Variants in ATP2B2 observed in about 807,000 individuals in gnomAD.
ATP2B2 encodes the protein plasma membrane calcium-transporting ATPase 2.
ATP2B2 carries 15 observed loss-of-function variants against 120.0 expected under a neutral mutation model. That is an observed-to-expected ratio of 0.12 (90% confidence interval 0.08 to 0.19). The LOEUF (loss-of-function observed/expected upper bound fraction) is 0.19, where lower values mean the gene tolerates loss of function less well. Among genes scored for constraint, ATP2B2 ranks in the 10% least tolerant of loss-of-function variants. ATP2B2 has a pLI of 1.00. For missense variants in ATP2B2, 1,045 were observed against 1,719.8 expected, an observed-to-expected ratio of 0.61 and a Z score of 6.94; for synonymous variants, 694 against 700.3, an observed-to-expected ratio of 0.99 and a Z score of 0.14.
chr3:10,427,900 A>T (rs1317753241), intron 2 of ATP2B2, among the ~76,000 whole-genome samples: 1 of 152,054 alleles, frequency 6.6e-6, no homozygotes, highest in Non-Finnish European at 1.5e-5. Context: ...CCTTCCTGTA[A>T]CCCCTTTCTG....
chr3:10,517,932 G>T (rs1209936453), intron 3 of ATP2B2, among the ~76,000 whole-genome samples: 1 of 151,968 alleles, frequency 6.6e-6, no homozygotes, highest in Non-Finnish European at 1.5e-5. Flanking sequence ...GGAAATGGCA[G>T]TAGACAGACG....
chr3:10,340,270 A>G lies in ATP2B2; in HGVS notation c.3209T>C (p.Ile1070Thr), dbSNP rs1348501104. ...QLDQWMWCIFIGLGELVWGQV... is the reference protein window; with the variant it reads ...QLDQWMWCIFTGLGELVWGQV... ...GCCCCAAACGAGCTCTCCTAACCCA[A>G]TGAATATGCACCACATCCACTGGTC... The change falls in exon 21 of 23, where the codon ATT (isoleucine) becomes ACT (threonine). Residue 1070 changes from isoleucine (I) to threonine (T), a missense_variant. This residue lies in a region of ATP2B2 where 211 missense variants were observed against 385.1 expected (regional missense o/e 0.55). Coordinates refer to ENST00000360273, the MANE Select transcript of ATP2B2 (RefSeq NM_001001331.4). The surrounding 1 kb of genome is among the most constrained non-coding windows in gnomAD (Gnocchi z 5.0). 6.8e-6 allele frequency: 11 copies of G among 1,614,080 alleles called. No homozygotes were observed. Among genetic ancestry groups the G allele is most frequent in the African/African-American group, 1.3e-5 (1 of 74,942 alleles).
intron 3 of ATP2B2, among the ~76,000 whole-genome samples, chr3:10,407,210 C>G (rs539747008): frequency 6.6e-6 from 1 of 152,322 alleles, no homozygotes; most frequent in Admixed American, 6.5e-5. Flanking sequence ...TGCTGTGTAC[C>G]TGGCTAGCAT....
intron 1 of ATP2B2, among the ~76,000 whole-genome samples, chr3:10,682,373 G>T (rs1174363075): frequency 1.3e-5 from 2 of 152,196 alleles, no homozygotes; most frequent in Non-Finnish European, 2.9e-5. Flanking sequence ...CTCAGATATT[G>T]GCTGAGACTA....
At chr3:10,381,417 A>G (rs2061527285) in intron 8 of ATP2B2, among the ~76,000 whole-genome samples, 1 of 152,220 alleles carries the variant, frequency 6.6e-6, no homozygotes, top group Non-Finnish European at 1.5e-5. Context: ...AGGGGCCTTT[A>G]TTTGCATTGC....
At position 10,498,447 on chromosome 3, in the gene ATP2B2, C is replaced by T. The variant is rs1231110363; in HGVS notation, c.-320+7018G>A. Among the ~76,000 whole-genome samples the T allele has an allele frequency of 2.6e-5, 4 of 152,358 alleles. 1 individual carries two copies. Among genetic ancestry groups the T allele is most frequent in the Middle Eastern group, 6.8e-3 (2 of 294 alleles). ...GGATGAGCCTGGGGGCCTCACTCAGCGTGGATGCCTCAGGCATGCAGGAGG... is the reference window on the plus strand; with the variant it reads ...GGATGAGCCTGGGGGCCTCACTCAGTGTGGATGCCTCAGGCATGCAGGAGG... On this transcript the variant is annotated intron_variant, in intron 1 of 22. Coordinates refer to ENST00000360273, the MANE Select transcript of ATP2B2 (RefSeq NM_001001331.4).
chr3:10,406,181 T>G (rs998888820), intron 3 of ATP2B2, among the ~76,000 whole-genome samples: 2 of 152,224 alleles, frequency 1.3e-5, no homozygotes, highest in Admixed American at 6.5e-5. Context: ...AGTTTGGGGA[T>G]GCTTTTATAC....
intron 2 of ATP2B2, among the ~76,000 whole-genome samples, chr3:10,602,544 G>C (rs778715331): frequency 6.6e-6 from 1 of 152,174 alleles, no homozygotes; most frequent in African/African-American, 2.4e-5. Context: ...CTCAGGCAGC[G>C]GCAGCGAGGT....
intron 12 of ATP2B2, among the ~76,000 whole-genome samples, chr3:10,363,234 C>G (rs778142924): frequency 6.6e-6 from 1 of 152,244 alleles, no homozygotes; most frequent in Non-Finnish European, 1.5e-5. Context: ...CAGGGACCCT[C>G]CCCTTTTCTC....
chr3:10,548,890 C>T (rs1156623615), intron 2 of ATP2B2, among the ~76,000 whole-genome samples: 1 of 152,134 alleles, frequency 6.6e-6, no homozygotes, highest in Admixed American at 6.5e-5. Context: ...GCTTGTTTAG[C>T]CTCAGAGGTT....
intron 1 of ATP2B2, among the ~76,000 whole-genome samples, chr3:10,624,561 CA>C (rs1268241131): frequency 6.6e-6 from 1 of 152,156 alleles, no homozygotes; most frequent in African/African-American, 2.4e-5. Flanking sequence ...TTTTTGAACA[CA>C]GGGGTGAGGT....
Position 10,382,197 on chromosome 3 carries a change from A to ATTTTTTTTTT in ATP2B2, c.1001-2923_1001-2914dup, listed in dbSNP as rs58615119. Among the ~76,000 whole-genome samples the ATTTTTTTTTT allele has an allele frequency of 1.5e-3, 178 of 122,294 alleles. 1 individual carries two copies. Among genetic ancestry groups the ATTTTTTTTTT allele is most frequent in the Non-Finnish European group, 1.7e-3 (106 of 61,676 alleles). The allele number at this position is 122,294 out of a possible 152,430, so 80.2% of individuals were successfully genotyped here. On this transcript the variant is annotated intron_variant, in intron 8 of 22. Transcript: ENST00000360273. ...TGTGCCACTATACCCAGCTAATTAA[A>ATTTTTTTTTT]TTTTTTTTTTTTTTTTTTTGTAGAG...
At chr3:10,705,348 G>A (rs1210188737) in intron 1 of ATP2B2, among the ~76,000 whole-genome samples, 1 of 152,088 alleles carries the variant, frequency 6.6e-6, no homozygotes, top group Non-Finnish European at 1.5e-5. Context: ...TAAATAGATC[G>A]TATACCCCTA....
intron 18 of ATP2B2, 44 bp downstream of exon 18, chr3:10,345,340 C>T (rs2125391654): frequency 6.2e-7 from 1 of 1,608,646 alleles, no homozygotes; most frequent in Non-Finnish European, 8.5e-7. Flanking sequence ...TGTGGGGGGT[C>T]TCCGCCCTCC....
At chr3:10,437,994 C>T (rs1203950559) in intron 2 of ATP2B2, among the ~76,000 whole-genome samples, 2 of 152,166 alleles carry the variant, frequency 1.3e-5, no homozygotes, top group Admixed American at 1.3e-4. Flanking sequence ...ATTTAAGCCA[C>T]TCAGTCTGTG....
chr3:10,572,029 T>A (rs928746372), intron 2 of ATP2B2, among the ~76,000 whole-genome samples: 6 of 152,202 alleles, frequency 3.9e-5, no homozygotes, highest in Non-Finnish European at 7.3e-5. Flanking sequence ...CAGAACAAGG[T>A]GTGCCAAGTT....
chr3:10,534,871 C>T (rs1321423487), intron 2 of ATP2B2, among the ~76,000 whole-genome samples: 1 of 149,566 alleles, frequency 6.7e-6, no homozygotes, highest in Admixed American at 6.7e-5. Context: ...CTCTCTCTCT[C>T]TCTCAATCCA....
At chr3:10,594,207 C>T (rs2068709105) in intron 2 of ATP2B2, among the ~76,000 whole-genome samples, 1 of 152,154 alleles carries the variant, frequency 6.6e-6, no homozygotes, top group African/African-American at 2.4e-5. Context: ...CCCAGCCATC[C>T]CATTACTGGG....
chr3:10,444,265 G>C (rs2063762942), intron 2 of ATP2B2, among the ~76,000 whole-genome samples: 1 of 152,174 alleles, frequency 6.6e-6, no homozygotes, highest in South Asian at 2.1e-4. Context: ...TGGCTCCCCT[G>C]GCTTCCCTGT....
Sources: gnomAD v4.1 joint callset for allele counts (sites outside exome capture counted in the v4.1 genomes callset) on GRCh38, gnomAD v4.1.1 for gene constraint, gnomAD v4.1.1 regional missense constraint, Gnocchi (gnomAD v3.1) non-coding constraint, MANE v1.5 for transcripts, NCBI Gene and HGNC (gene_info 2026-07-23, HGNC 2026-07-21) for gene names.